The following METTL5 variants were observed in gnomAD, a reference collection of about 807,000 sequenced individuals.
METTL5 encodes the protein methyltransferase 5, N6-adenosine.
Under a neutral mutation model 26.5 loss-of-function variants are expected in METTL5, and 28 were observed. The ratio of observed to expected loss-of-function variants is 1.06; its 90% CI spans 0.78 to 1.45. The LOEUF is 1.45. Among genes scored for constraint, METTL5 ranks in the 40% most tolerant of loss-of-function variants. The pLI is 0.00. For synonymous variants in METTL5, 86 were observed against 82.6 expected, an observed-to-expected ratio of 1.04 and a Z score of -0.22; for missense variants, 231 against 249.9, an observed-to-expected ratio of 0.92 and a Z score of 0.51.
chr2:169,813,725 G>A lies in METTL5; in HGVS notation c.542-1219C>T, dbSNP rs544745650. 2.4e-4 allele frequency among the ~76,000 whole-genome samples: 37 copies of A among 151,742 alleles called. 1 individual carries two copies. In the South Asian group the frequency reaches 7.1e-3, roughly 29 times the overall value. ...ATAATAATAAAAAAAACAGCTGGAC[G>A]TGGTGGTGCGCCTGTAGTCCCAGCT... On this transcript the variant is annotated intron_variant, in intron 5 of 6. Transcript: ENST00000260953.
In METTL5 at chr2:169,812,288, T is replaced by G. The variant is rs751501693; in HGVS notation, c.591+169A>C. 4 of 1,055,306 alleles carry G rather than the reference T, an allele frequency of 3.8e-6. No individual in the cohort carries two copies. The East Asian group carries it at 7.4e-5, about 20-fold the overall frequency. 65.4% of individuals were successfully genotyped at this position (1,055,306 alleles called of 1,614,324 possible). ...TGAGTCTCACTCTTATCGCGCAGGC[T>G]GGAGTTCAGTGGGGCAATCTCAGCT... On this transcript the variant is annotated intron_variant, in intron 6 of 6. Coordinates refer to ENST00000260953, the MANE Select transcript of METTL5 (RefSeq NM_014168.4).
rs879613183 is a variant in METTL5 at position 169,823,148 on chromosome 2, AT to A, written c.110-1092del. ...AGGCACATACTACCACACTAGGCTA[AT>A]TTTTTTTTTTTAAGAGCTGGGGTCT... On this transcript the variant is annotated intron_variant, in intron 1 of 6. Coordinates refer to ENST00000260953, the MANE Select transcript of METTL5 (RefSeq NM_014168.4). Among the ~76,000 whole-genome samples, 751 of 146,854 alleles carry A rather than the reference AT, an allele frequency of 5.1e-3. 2 individuals carry two copies. The highest frequency in any genetic ancestry group is 7.6e-3 in the Non-Finnish European group (503 of 66,258).
intron 5 of METTL5, among the ~76,000 whole-genome samples, chr2:169,813,740 T>C (rs1249726674): frequency 6.6e-6 from 1 of 151,602 alleles, no homozygotes; most frequent in Admixed American, 6.6e-5. Flanking sequence ...GGTGCGCCTG[T>C]AGTCCCAGCT....
At chr2:169,820,309 A>G (rs568066709) in intron 3 of METTL5, among the ~76,000 whole-genome samples, 1 of 152,296 alleles carries the variant, frequency 6.6e-6, no homozygotes, top group Non-Finnish European at 1.5e-5. Flanking sequence ...CCTTGCCCAC[A>G]GTACACACAA....
At chr2:169,814,344 G>A (rs776560917) in intron 5 of METTL5, among the ~76,000 whole-genome samples, 23 of 151,404 alleles carry the variant, frequency 1.5e-4, no homozygotes, top group Non-Finnish European at 1.2e-4. Flanking sequence ...AAAATTAGCC[G>A]GGCGTGGTAG....
At chr2:169,822,540 A>G (rs1328727694) in intron 1 of METTL5, among the ~76,000 whole-genome samples, 1 of 152,210 alleles carries the variant, frequency 6.6e-6, no homozygotes, top group Non-Finnish European at 1.5e-5. Context: ...TGTGAAATCT[A>G]TAAGACTAGG....
chr2:169,812,912 G>A (rs1462268034), intron 5 of METTL5: 1 of 155,392 alleles, frequency 6.4e-6, no homozygotes, highest in Non-Finnish European at 1.4e-5. Flanking sequence ...TTCCTCCTAA[G>A]CTCTAAAACG....
chr2:169,815,003 C>T (rs1690098053), intron 5 of METTL5, among the ~76,000 whole-genome samples: 2 of 152,022 alleles, frequency 1.3e-5, no homozygotes, highest in East Asian at 1.9e-4. Flanking sequence ...GCGATTCTCC[C>T]GCCTCAGTCT....
chr2:169,824,297 A>C, intron 1 of METTL5, 192 bp downstream of exon 1: 1 of 547,774 alleles, frequency 1.8e-6, no homozygotes. Context: ...TAGACAGTAA[A>C]ATGATAGTGT....
At chr2:169,818,806 G>A (rs1448439569) in intron 4 of METTL5, among the ~76,000 whole-genome samples, 1 of 152,174 alleles carries the variant, frequency 6.6e-6, no homozygotes, top group Admixed American at 6.5e-5. Context: ...TGATCTAAGT[G>A]CTTTGTAAAT....
chr2:169,814,094 CTAT>C (rs1198359765), intron 5 of METTL5, among the ~76,000 whole-genome samples: 2 of 152,042 alleles, frequency 1.3e-5, no homozygotes, highest in African/African-American at 4.8e-5. Context: ...ATGTTTGTGA[CTAT>C]TACCCAATTT....
chr2:169,824,646 G>C lies in METTL5; in HGVS notation c.-49C>G. On this transcript the variant is annotated 5_prime_UTR_variant, in exon 1 of 7. Coordinates refer to ENST00000260953, the MANE Select transcript of METTL5 (RefSeq NM_014168.4). Reference sequence around the variant, plus strand: ...AGGGTTTGAAGGCACAGGATCTGCGGAGAAATCTATTGAACTGGGATCTTG... The same window carrying C: ...AGGGTTTGAAGGCACAGGATCTGCGCAGAAATCTATTGAACTGGGATCTTG... The C allele has an allele frequency of 1.4e-6, 2 of 1,396,762 alleles. No individual in the cohort carries two copies. Among genetic ancestry groups the C allele is most frequent in the Non-Finnish European group, 2.0e-6 (2 of 982,230 alleles). 86.5% of individuals were successfully genotyped at this position (1,396,762 alleles called of 1,614,324 possible). A position where few individuals can be genotyped will look rare whatever the true frequency, so the allele number is the denominator to read the frequency against.
Position 169,811,816 on chromosome 2 carries a change from G to A in METTL5, c.*4C>T. The stretch of plus-strand genomic sequence containing the variant: ...GTTTTAAACGACTTTTGTTTGCGGG[G>A]CTTTTAAAAGGAAAACCGAATTAGG... On this transcript the variant is annotated 3_prime_UTR_variant, in exon 7 of 7. Coordinates refer to ENST00000260953, the MANE Select transcript of METTL5 (RefSeq NM_014168.4). 6.2e-7 allele frequency: 1 copy of A among 1,613,562 alleles called. No homozygotes were observed. The highest frequency in any genetic ancestry group is 2.2e-5 in the East Asian group (1 of 44,828).
Position 169,824,671 on chromosome 2 carries a change from GT to G in METTL5, c.-75del. 8.3e-7 allele frequency: 1 copy of G among 1,200,734 alleles called. No homozygotes were observed. Among genetic ancestry groups the G allele is most frequent in the Non-Finnish European group, 1.2e-6 (1 of 805,424 alleles). 74.4% of individuals were successfully genotyped at this position (1,200,734 alleles called of 1,614,324 possible). ...GAGAAATCTATTGAACTGGGATCTTGTTTCCTCCCTACCCCCAACCTTCTCC... is the reference window on the plus strand; with the variant it reads ...GAGAAATCTATTGAACTGGGATCTTGTTCCTCCCTACCCCCAACCTTCTCC... On this transcript the variant is annotated 5_prime_UTR_variant, in exon 1 of 7. Coordinates refer to ENST00000260953, the MANE Select transcript of METTL5 (RefSeq NM_014168.4).
Position 169,817,495 on chromosome 2 carries a change from G to A in METTL5, c.490-1967C>T, listed in dbSNP as rs535645344. On this transcript the variant is annotated intron_variant, in intron 4 of 6. Transcript: ENST00000260953. ...ACACATGCACATGTATGTTTACTGCGGCACTATTCACAATAGCAAAGACTT... is the reference window on the plus strand; with the variant it reads ...ACACATGCACATGTATGTTTACTGCAGCACTATTCACAATAGCAAAGACTT... Among the ~76,000 whole-genome samples, 124 of 152,168 alleles carry A rather than the reference G, an allele frequency of 8.1e-4. 1 individual carries two copies. The Middle Eastern group carries it at 0.017, about 21-fold the overall frequency.
chr2:169,817,987 G>T (rs1309567760), intron 4 of METTL5, among the ~76,000 whole-genome samples: 1 of 152,146 alleles, frequency 6.6e-6, no homozygotes, highest in African/African-American at 2.4e-5. Context: ...CCTTAGAAAG[G>T]CCTGCTTAGT....
chr2:169,819,476 G>A, intron 4 of METTL5, 85 bp downstream of exon 4: 1 of 952,188 alleles, frequency 1.1e-6, no homozygotes, highest in Admixed American at 2.1e-5. Context: ...AGATACTGTG[G>A]TATCTAGTAT....
rs775363523 is a variant in METTL5, at chr2:169,824,620, T to C, written c.-23A>G. 23 of 1,569,368 alleles carry C rather than the reference T, an allele frequency of 1.5e-5. No homozygotes were observed. The African/African-American group carries it at 1.6e-4, about 11-fold the overall frequency. ...CATTTTGTTTTAAAGTATGGACTCG[T>C]AGGGTTTGAAGGCACAGGATCTGCG... On this transcript the variant is annotated 5_prime_UTR_variant, in exon 1 of 7. Transcript: ENST00000260953.
chr2:169,820,236 G>A (rs894487022), intron 3 of METTL5, among the ~76,000 whole-genome samples: 1 of 152,100 alleles, frequency 6.6e-6, no homozygotes, highest in East Asian at 1.9e-4. Flanking sequence ...GATTATAGGC[G>A]TGAGCCACCA....
Sources: gnomAD v4.1 joint callset for allele counts (sites outside exome capture counted in the v4.1 genomes callset) on GRCh38, gnomAD v4.1.1 for gene constraint, MANE v1.5 for transcripts, NCBI Gene and HGNC (gene_info 2026-07-23, HGNC 2026-07-21) for gene names.